Variants in PXYLP1 observed in about 807,000 individuals in gnomAD.
PXYLP1 encodes the protein acid phosphatase-like 2.
Under a neutral mutation model 37.9 loss-of-function variants are expected in PXYLP1, and 17 were observed. The observed-to-expected ratio is 0.45, with a 90% CI of 0.31 to 0.67. The LOEUF is 0.67. Among genes scored for constraint, PXYLP1 ranks in the 30% least tolerant of loss-of-function variants. The pLI, the probability that PXYLP1 is intolerant of heterozygous loss-of-function variation, is 0.07. For missense variants in PXYLP1, 511 were observed against 612.0 expected (o/e 0.84, Z 1.74); for synonymous variants, 221 against 232.2 (o/e 0.95, Z 0.44).
At chr3:141,241,701 A>G (rs993527549) in intron 1 of PXYLP1, among the ~76,000 whole-genome samples, 9 of 152,204 alleles carry the variant, frequency 5.9e-5, no homozygotes, top group Non-Finnish European at 8.8e-5. Context: ...CTGCTGTGCC[A>G]TGGGGCCTGG....
At chr3:141,272,834 C>T (rs1039712783) in intron 2 of PXYLP1, 14 of 282,332 alleles carry the variant, frequency 5.0e-5, no homozygotes, top group Non-Finnish European at 7.5e-5. Flanking sequence ...TAGATTGTGC[C>T]CACCCAGATT....
chr3:141,244,556 G>A (rs1940891308), intron 1 of PXYLP1, among the ~76,000 whole-genome samples: 1 of 149,590 alleles, frequency 6.7e-6, no homozygotes, highest in Non-Finnish European at 1.5e-5. Flanking sequence ...GGATATGCTA[G>A]CGTTGGTTTT....
At chr3:141,245,094 G>A (rs1940907121) in intron 1 of PXYLP1, among the ~76,000 whole-genome samples, 1 of 133,162 alleles carries the variant, frequency 7.5e-6, no homozygotes, top group Non-Finnish European at 1.5e-5. Context: ...CTTTCATGCA[G>A]GCTGGAGTGA....
At chr3:141,277,680 G>T (rs1576600027) in intron 2 of PXYLP1, among the ~76,000 whole-genome samples, 1 of 152,248 alleles carries the variant, frequency 6.6e-6, no homozygotes, top group Non-Finnish European at 1.5e-5. Flanking sequence ...ACCACACGTG[G>T]TGGTGAAGGG....
intron 2 of PXYLP1, chr3:141,273,659 C>A (rs1289348989): frequency 1.0e-6 from 1 of 985,198 alleles, no homozygotes; most frequent in East Asian, 1.1e-4. Context: ...GAAATTGAGA[C>A]CTTGTCGGCA....
chr3:141,237,553 C>G (rs140684151), intron 1 of PXYLP1, among the ~76,000 whole-genome samples: 309 of 152,308 alleles, frequency 2.0e-3, no homozygotes, highest in Non-Finnish European at 3.8e-3. Flanking sequence ...CTTCATGGTA[C>G]TGTTGTGAAA....
At chr3:141,278,694 G>C (rs1260739352) in intron 3 of PXYLP1, among the ~76,000 whole-genome samples, 194 bp downstream of exon 3, 1 of 152,176 alleles carries the variant, frequency 6.6e-6, no homozygotes, top group African/African-American at 2.4e-5. Context: ...CTTATGCCTG[G>C]GACTGGGGAG....
intron 1 of PXYLP1, among the ~76,000 whole-genome samples, chr3:141,254,765 A>C (rs1941227814): frequency 6.6e-6 from 1 of 152,160 alleles, no homozygotes; most frequent in South Asian, 2.1e-4. Flanking sequence ...AATTCTGACC[A>C]AAAAAATCAA....
intron 5 of PXYLP1, among the ~76,000 whole-genome samples, chr3:141,290,106 G>A (rs775156615): frequency 4.6e-5 from 7 of 151,944 alleles, no homozygotes; most frequent in Non-Finnish European, 8.8e-5. Context: ...GTGCACTTAC[G>A]GCACCCTACA....
chr3:141,288,217 A>G (rs555728106), intron 5 of PXYLP1, among the ~76,000 whole-genome samples: 16 of 152,330 alleles, frequency 1.1e-4, no homozygotes, highest in East Asian at 9.7e-4. Flanking sequence ...TGATTCTTCA[A>G]TCTGGAACCT....
rs1250952006 is a variant in PXYLP1 at position 141,293,177 on chromosome 3, A to G, written c.1415A>G (p.Tyr472Cys). The G allele has an allele frequency of 6.2e-7, 1 of 1,613,914 alleles. No individual in the cohort carries two copies. The highest frequency in any genetic ancestry group is 8.5e-7 in the Non-Finnish European group (1 of 1,179,982). ...VALGGSGTNY[Y>C]DACHREGF Reference sequence around the variant, plus strand: ...CTGGGTGGCAGTGGTACAAATTATTATGATGCATGTCACAGGGAAGGATTC... The same window carrying G: ...CTGGGTGGCAGTGGTACAAATTATTGTGATGCATGTCACAGGGAAGGATTC... The change falls in exon 6 of 6, where the codon TAT becomes TGT. Residue 472 changes from tyrosine (Y) to cysteine (C), a missense_variant. Physicochemically the swap from Tyr to Cys is radical, Grantham distance 194. Coordinates refer to ENST00000286353, the MANE Select transcript of PXYLP1 (RefSeq NM_001037172.3).
chr3:141,287,842 G>T (rs1942111686), intron 5 of PXYLP1, among the ~76,000 whole-genome samples: 2 of 152,124 alleles, frequency 1.3e-5, no homozygotes, highest in South Asian at 4.1e-4. Flanking sequence ...AACACATTTT[G>T]TTAATATTTC....
intron 1 of PXYLP1, among the ~76,000 whole-genome samples, chr3:141,247,310 C>T (rs1940982517): frequency 1.3e-5 from 2 of 152,222 alleles, no homozygotes; most frequent in Admixed American, 1.3e-4. Flanking sequence ...TATGGGAAAC[C>T]ACTAGAAGAC....
chr3:141,270,374 A>C (rs1941631780), intron 2 of PXYLP1, among the ~76,000 whole-genome samples: 1 of 152,226 alleles, frequency 6.6e-6, no homozygotes, highest in South Asian at 2.1e-4. Context: ...CCAGCCTTTA[A>C]AAGCAGACGA....
chr3:141,289,793 G>A (rs758571312), intron 5 of PXYLP1, among the ~76,000 whole-genome samples: 1 of 151,084 alleles, frequency 6.6e-6, no homozygotes, highest in Non-Finnish European at 1.5e-5. Flanking sequence ...GCATCCATCA[G>A]CCCTGGCTAA....
intron 1 of PXYLP1, among the ~76,000 whole-genome samples, chr3:141,248,526 C>CGT (rs1941022456): frequency 8.3e-5 from 12 of 144,810 alleles, no homozygotes; most frequent in African/African-American, 2.9e-4. Context: ...CACACACACA[C>CGT]GTATATATAT....
chr3:141,246,742 G>T (rs539937595), intron 1 of PXYLP1, among the ~76,000 whole-genome samples: 158 of 152,324 alleles, frequency 1.0e-3, no homozygotes, highest in African/African-American at 3.6e-3. Flanking sequence ...TCCCAGCCTT[G>T]TGGAGCTCAG....
chr3:141,246,144 G>C (rs1198434458), intron 1 of PXYLP1, among the ~76,000 whole-genome samples: 2 of 152,292 alleles, frequency 1.3e-5, no homozygotes, highest in African/African-American at 4.8e-5. Context: ...TAGGCTAGCA[G>C]TTAGAGGTCA....
chr3:141,244,338 A>G (rs1041634523), intron 1 of PXYLP1, among the ~76,000 whole-genome samples: 1 of 151,268 alleles, frequency 6.6e-6, no homozygotes, highest in African/African-American at 2.5e-5. Context: ...ACTTAACAAT[A>G]TAACGTTTCC....
Sources: allele counts gnomAD v4.1 joint callset (sites outside exome capture counted in the v4.1 genomes callset), GRCh38; gene constraint gnomAD v4.1.1; transcripts MANE v1.5; gene names NCBI Gene and HGNC (gene_info 2026-07-23, HGNC 2026-07-21).